DOCK7: variants seen among roughly 807,000 people sequenced by gnomAD.
The protein encoded by DOCK7 is dedicator of cytokinesis 7.
DOCK7 carries 138 observed loss-of-function variants against 271.0 expected under a neutral mutation model. That is an observed-to-expected ratio of 0.51 (90% CI 0.44 to 0.59). DOCK7 has a LOEUF of 0.59. DOCK7 is among the 20% of genes least tolerant of loss of function. DOCK7 has a pLI of 0.00. For synonymous variants in DOCK7, 823 were observed against 876.1 expected, an observed-to-expected ratio of 0.94 and a Z score of 1.07; for missense variants, 2,066 against 2,592.4, an observed-to-expected ratio of 0.80 and a Z score of 4.41.
At chr1:62,542,429 C>G (rs892643394) in intron 25 of DOCK7, among the ~76,000 whole-genome samples, 179 bp downstream of exon 25, 2 of 152,106 alleles carry the variant, frequency 1.3e-5, no homozygotes, top group African/African-American at 4.8e-5. Context: ...TCCACCTAAA[C>G]TGTGTTGAGT....
rs1487557399 is a variant in DOCK7 at position 62,494,387 on chromosome 1, C to T, written c.5105G>A (p.Ser1702Asn). ...QNMAGKHSER[S>N]NHAEAAQCLV... ...ACACTGTGCAGCTTCAGCATGATTGCTTCGTTCTGAGTGCTTGCCTGCCAT... is the reference window on the plus strand; with the variant it reads ...ACACTGTGCAGCTTCAGCATGATTGTTTCGTTCTGAGTGCTTGCCTGCCAT... Residue 1702 changes from serine to asparagine, a missense_variant, in exon 40 of 50, where the codon AGC becomes AAC. Physicochemically the swap from Ser to Asn is conservative, Grantham distance 46. Coordinates refer to ENST00000635253, the MANE Select transcript of DOCK7 (RefSeq NM_001367561.1). 1 of 1,613,546 alleles carries T rather than the reference C, an allele frequency of 6.2e-7. No homozygotes were observed.
chr1:62,485,098 T>G (rs931362184), intron 43 of DOCK7: 1 of 956,724 alleles, frequency 1.0e-6, no homozygotes, highest in East Asian at 1.2e-4. Flanking sequence ...ATCGTGCCAC[T>G]GCACTCCAGT....
At position 62,577,249 on chromosome 1, in the gene DOCK7, G is replaced by A. The variant is rs908615690; in HGVS notation, c.2112+13C>T. The A allele has an allele frequency of 7.0e-7, 1 of 1,424,602 alleles. No individual in the cohort carries two copies. 88.2% of individuals were successfully genotyped at this position (1,424,602 alleles called of 1,614,324 possible). ...CATTCAATCTGGAGAAAGTCAACAT[G>A]GGAGACACTGACCTCAGGAGACAGT... On this transcript the variant is annotated intron_variant, in intron 18 of 49. Coordinates refer to ENST00000635253, the MANE Select transcript of DOCK7 (RefSeq NM_001367561.1).
At position 62,455,031 on chromosome 1, in the gene DOCK7, T is replaced by G; in HGVS notation, c.*383A>C. ...TAAAATTAGTGTAAACATTCACATA[T>G]TTAATAGTACCTTTAAAATAAGCAT... On this transcript the variant is annotated 3_prime_UTR_variant, in exon 50 of 50. Coordinates refer to ENST00000635253, the MANE Select transcript of DOCK7 (RefSeq NM_001367561.1). 1 of 424,252 alleles carries G rather than the reference T, an allele frequency of 2.4e-6. No individual in the cohort carries two copies. Among genetic ancestry groups the G allele is most frequent in the Non-Finnish European group, 4.2e-6 (1 of 240,744 alleles). The allele number at this position is 424,252 out of a possible 1,614,324, so 26.3% of individuals were successfully genotyped here.
At chr1:62,686,897 C>G (rs961749681) in intron 1 of DOCK7, among the ~76,000 whole-genome samples, 2 of 151,234 alleles carry the variant, frequency 1.3e-5, no homozygotes, top group Non-Finnish European at 2.9e-5. Context: ...AAAAAAGCCT[C>G]TGCCTCGAAA....
intron 2 of DOCK7, among the ~76,000 whole-genome samples, chr1:62,659,916 A>T (rs1170844741): frequency 6.6e-6 from 1 of 152,214 alleles, no homozygotes; most frequent in African/African-American, 2.4e-5. Flanking sequence ...TAAATAACAG[A>T]GCTATAAAAT....
At chr1:62,466,709 A>G (rs1645687599) in intron 48 of DOCK7, among the ~76,000 whole-genome samples, 1 of 152,140 alleles carries the variant, frequency 6.6e-6, no homozygotes, top group South Asian at 2.1e-4. Flanking sequence ...AGGCAGGTGG[A>G]TCATCTGAGG....
chr1:62,548,045 A>G (rs1294945252), intron 22 of DOCK7, among the ~76,000 whole-genome samples: 1 of 152,178 alleles, frequency 6.6e-6, no homozygotes, highest in East Asian at 1.9e-4. Flanking sequence ...TCTTCATTGG[A>G]TAAATATCTA....
chr1:62,563,576 T>C (rs1453238380), intron 18 of DOCK7, among the ~76,000 whole-genome samples: 5 of 152,138 alleles, frequency 3.3e-5, no homozygotes, highest in African/African-American at 1.2e-4. Context: ...CCTATGGTTT[T>C]ATCATTTTTT....
intron 1 of DOCK7, among the ~76,000 whole-genome samples, chr1:62,684,501 C>G (rs1267746290): frequency 6.6e-6 from 1 of 152,144 alleles, no homozygotes; most frequent in Non-Finnish European, 1.5e-5. Flanking sequence ...GTGGTATATG[C>G]AGAATTTCAA....
chr1:62,578,892 G>A lies in DOCK7; in HGVS notation c.1946C>T (p.Thr649Ile). The A allele has an allele frequency of 1.2e-6, 2 of 1,605,674 alleles. No individual in the cohort carries two copies. The highest frequency in any genetic ancestry group is 1.4e-5 in the African/African-American group (1 of 74,024). The change falls in exon 17 of 50, where the codon ACT (threonine) becomes ATT (isoleucine). Residue 649 changes from threonine to isoleucine, a missense_variant. Coordinates refer to ENST00000635253, the MANE Select transcript of DOCK7 (RefSeq NM_001367561.1). ...TLTDHHHLLFTFYHVSCQQKQ... is the reference protein window; with the variant it reads ...TLTDHHHLLFIFYHVSCQQKQ... ...TTGTTGACAACTAACATGATAAAAA[G>A]TAAAAAGCAAGTGATGATGGTCAGT... is the stretch of plus-strand genomic sequence containing the variant.
At chr1:62,493,575 A>G (rs906577270) in intron 40 of DOCK7, among the ~76,000 whole-genome samples, 1 of 152,136 alleles carries the variant, frequency 6.6e-6, no homozygotes, top group East Asian at 1.9e-4. Context: ...CCCTCCCCCA[A>G]TCTATTTGTC....
chr1:62,565,204 C>T lies in DOCK7; in HGVS notation c.2113-3501G>A, dbSNP rs529819924. The stretch of plus-strand genomic sequence containing the variant: ...CTCCTCCCTAACTCATTTTATGAGG[C>T]CAGCATCATCCTGATACCAAAACCT... On this transcript the variant is annotated intron_variant, in intron 18 of 49. Coordinates refer to ENST00000635253, the MANE Select transcript of DOCK7 (RefSeq NM_001367561.1). 2.6e-5 allele frequency among the ~76,000 whole-genome samples: 4 copies of T among 152,234 alleles called. No individual in the cohort carries two copies. In the South Asian group the frequency reaches 8.3e-4, roughly 32 times the overall value.
At chr1:62,647,108 A>C (rs540501056) in intron 7 of DOCK7, among the ~76,000 whole-genome samples, 26 of 152,334 alleles carry the variant, frequency 1.7e-4, no homozygotes, top group African/African-American at 6.0e-4. Flanking sequence ...CTTGTTTCAG[A>C]AAGCTCTATG....
intron 21 of DOCK7, 114 bp downstream of exon 21, chr1:62,555,711 A>G: frequency 2.5e-6 from 3 of 1,196,764 alleles, no homozygotes; most frequent in Non-Finnish European, 3.4e-6. Flanking sequence ...CAGGTGTTCA[A>G]TAAATGTTTG....
At chr1:62,665,816 C>T (rs571413470) in intron 1 of DOCK7, among the ~76,000 whole-genome samples, 1 of 150,672 alleles carries the variant, frequency 6.6e-6, no homozygotes, top group Non-Finnish European at 1.5e-5. Context: ...CTCAGTGTTT[C>T]TGGGGCTAAA....
At chr1:62,672,800 T>C (rs1418000919) in intron 1 of DOCK7, among the ~76,000 whole-genome samples, 1 of 152,164 alleles carries the variant, frequency 6.6e-6, no homozygotes, top group East Asian at 1.9e-4. Context: ...AGGCAGGGTT[T>C]GAATTCAGAT....
chr1:62,530,897 C>A (rs1645154840), intron 29 of DOCK7: 1 of 152,540 alleles, frequency 6.6e-6, no homozygotes, highest in Non-Finnish European at 1.5e-5. Context: ...GCTCCTCCTT[C>A]TCCCACTGGG....
At position 62,539,674 on chromosome 1, in the gene DOCK7, T is replaced by A. The variant is rs747706204; in HGVS notation, c.3187-16A>T. 6.2e-7 allele frequency: 1 copy of A among 1,610,406 alleles called. No individual in the cohort carries two copies. The highest frequency in any genetic ancestry group is 8.5e-7 in the Non-Finnish European group (1 of 1,178,878). ...TTTCTGTGTCCTGTGAAACAGAATA[T>A]AAAACAAAAACAAATTAAAGTATGA... On this transcript the variant is annotated splice_polypyrimidine_tract_variant and intron_variant, in intron 26 of 49. Coordinates refer to ENST00000635253, the MANE Select transcript of DOCK7 (RefSeq NM_001367561.1).
Sources: allele counts gnomAD v4.1 joint callset (sites outside exome capture counted in the v4.1 genomes callset), GRCh38; gene constraint gnomAD v4.1.1; transcripts MANE v1.5; gene names NCBI Gene and HGNC (gene_info 2026-07-23, HGNC 2026-07-21).